Variants in MMP16 observed in about 807,000 individuals in gnomAD.
MMP16 encodes matrix metalloproteinase-16.
In MMP16, 12 loss-of-function variants were observed where a neutral mutation model predicts 67.8. That is an observed-to-expected ratio of 0.18 (90% CI 0.11 to 0.29). The LOEUF (loss-of-function observed/expected upper bound fraction) is 0.29. Ranked by LOEUF, MMP16 falls within the 10% of genes least tolerant of loss-of-function variation. MMP16 has a pLI of 1.00. For missense variants in MMP16, 475 were observed against 765.7 expected (o/e 0.62, Z 4.48); for synonymous variants, 249 against 255.9 (o/e 0.97, Z 0.26).
At chr8:88,112,556 C>A (rs2118415794) in intron 6 of MMP16, among the ~76,000 whole-genome samples, 1 of 151,760 alleles carries the variant, frequency 6.6e-6, no homozygotes, top group Admixed American at 6.6e-5. Context: ...TTTTGTTTCT[C>A]TCTTCTTTGG....
chr8:88,156,625 ACTAAAGTAAAAAG>A (rs1229987345), intron 4 of MMP16, among the ~76,000 whole-genome samples: 1 of 152,088 alleles, frequency 6.6e-6, no homozygotes, highest in African/African-American at 2.4e-5. Context: ...AAGTTACAAA[ACTAAAGTAAAAAG>A]CTGTTATTAA....
intron 7 of MMP16, among the ~76,000 whole-genome samples, chr8:88,071,543 A>G (rs1192363935): frequency 2.0e-5 from 3 of 152,144 alleles, no homozygotes; most frequent in Non-Finnish European, 4.4e-5. Context: ...AAGATAAATA[A>G]TGTAAGGCAA....
At chr8:88,191,411 A>T (rs1474314519) in intron 2 of MMP16, among the ~76,000 whole-genome samples, 1 of 152,200 alleles carries the variant, frequency 6.6e-6, no homozygotes, top group South Asian at 2.1e-4. Flanking sequence ...TTAACTTACA[A>T]TTCTAATTCT....
At chr8:88,219,201 C>T (rs1809640221) in intron 1 of MMP16, among the ~76,000 whole-genome samples, 1 of 151,730 alleles carries the variant, frequency 6.6e-6, no homozygotes, top group East Asian at 1.9e-4. Context: ...GACAGAATAG[C>T]CAAGCATGAC....
chr8:88,039,409 C>G lies in MMP16; in HGVS notation c.*2052G>C, dbSNP rs1808101465. 6.6e-6 allele frequency: 1 copy of G among 152,482 alleles called. No homozygotes were observed. Among genetic ancestry groups the G allele is most frequent in the Non-Finnish European group, 1.5e-5 (1 of 68,016 alleles). The allele number at this position is 152,482 out of a possible 1,614,324, so 9.4% of individuals were successfully genotyped here. ...TGCAGATCTGCCATCACCACTCTCTCCACTCTAAGGAAACAGCTCATGCTT... is the reference window on the plus strand; with the variant it reads ...TGCAGATCTGCCATCACCACTCTCTGCACTCTAAGGAAACAGCTCATGCTT... On this transcript the variant is annotated 3_prime_UTR_variant, in exon 10 of 10. Transcript: ENST00000286614. The surrounding 1 kb of genome is among the most constrained non-coding windows in gnomAD (Gnocchi z 4.5).
Position 88,186,461 on chromosome 8 carries a change from C to T in MMP16, c.404+15G>A, listed in dbSNP as rs765158117. ...AATATGGGGAAAAGGGGAGATTAAT[C>T]GTGAGTTCTTATACCTGTAAGTGAT... On this transcript the variant is annotated intron_variant, in intron 3 of 9. Coordinates refer to ENST00000286614, the MANE Select transcript of MMP16 (RefSeq NM_005941.5). The T allele has an allele frequency of 7.4e-6, 12 of 1,611,950 alleles. No individual in the cohort carries two copies. Among genetic ancestry groups the T allele is most frequent in the African/African-American group, 2.7e-5 (2 of 74,754 alleles).
chr8:88,076,610 A>G (rs1260422346), intron 6 of MMP16, among the ~76,000 whole-genome samples: 5 of 152,184 alleles, frequency 3.3e-5, no homozygotes, highest in African/African-American at 4.8e-5. Context: ...AGATAAATAT[A>G]CAGGGGCATG....
chr8:88,283,134 C>A (rs943315583), intron 1 of MMP16, among the ~76,000 whole-genome samples: 3 of 152,084 alleles, frequency 2.0e-5, no homozygotes, highest in African/African-American at 7.2e-5. Flanking sequence ...ATTAAATGAG[C>A]ATTTAATAAA....
At chr8:88,302,323 T>C (rs372953888) in intron 1 of MMP16, among the ~76,000 whole-genome samples, 2 of 152,216 alleles carry the variant, frequency 1.3e-5, no homozygotes, top group African/African-American at 4.8e-5. Flanking sequence ...AAACGTGGCA[T>C]AGAAACCCCA....
At chr8:88,165,917 C>T (rs968597328) in intron 4 of MMP16, among the ~76,000 whole-genome samples, 25 of 152,106 alleles carry the variant, frequency 1.6e-4, no homozygotes, top group Non-Finnish European at 3.2e-4. Context: ...GTCTTCAAAC[C>T]TGTTCTTAAA....
intron 3 of MMP16, among the ~76,000 whole-genome samples, chr8:88,169,957 T>C (rs936228143): frequency 6.6e-6 from 1 of 152,134 alleles, no homozygotes; most frequent in African/African-American, 2.4e-5. Flanking sequence ...ATGTTGAAAA[T>C]ATATTGACGT....
chr8:88,208,702 A>C (rs1317805348), intron 1 of MMP16, among the ~76,000 whole-genome samples: 2 of 152,110 alleles, frequency 1.3e-5, no homozygotes, highest in Non-Finnish European at 2.9e-5. Flanking sequence ...AAAGCCATCA[A>C]TCTTGAAACA....
chr8:88,097,279 T>C (rs1167447565), intron 6 of MMP16, among the ~76,000 whole-genome samples: 1 of 151,886 alleles, frequency 6.6e-6, no homozygotes, highest in African/African-American at 2.4e-5. Flanking sequence ...GTATATAATT[T>C]GCCAAGGATC....
chr8:88,243,871 A>C (rs1476428490), intron 1 of MMP16, among the ~76,000 whole-genome samples: 3 of 152,206 alleles, frequency 2.0e-5, no homozygotes, highest in African/African-American at 7.2e-5. Context: ...GATATTACAA[A>C]GTTCTGGTTG....
At chr8:88,184,576 A>AG (rs1249162420) in intron 3 of MMP16, among the ~76,000 whole-genome samples, 2 of 140,498 alleles carry the variant, frequency 1.4e-5, no homozygotes, top group Non-Finnish European at 3.1e-5. Flanking sequence ...AAAAAAAAAA[A>AG]AAAAAAAAAA....
intron 1 of MMP16, among the ~76,000 whole-genome samples, chr8:88,225,373 G>A (rs540998827): frequency 5.3e-5 from 8 of 151,812 alleles, no homozygotes; most frequent in African/African-American, 7.3e-5. Context: ...CAGTTTATCC[G>A]AATTAACTTG....
Position 88,243,933 on chromosome 8 carries a change from G to C in MMP16, c.133-46627C>G, listed in dbSNP as rs1048882616. 2.0e-5 allele frequency among the ~76,000 whole-genome samples: 3 copies of C among 151,874 alleles called. No individual in the cohort carries two copies. The South Asian group carries it at 6.2e-4, about 31-fold the overall frequency. Reference sequence around the variant, plus strand: ...ATTTGAGTCAAAGTATCAATGGAGAGGGAAGTATAAAAGAAAAAGACAGCT... The same window carrying C: ...ATTTGAGTCAAAGTATCAATGGAGACGGAAGTATAAAAGAAAAAGACAGCT... On this transcript the variant is annotated intron_variant, in intron 1 of 9. Coordinates refer to ENST00000286614, the MANE Select transcript of MMP16 (RefSeq NM_005941.5).
Position 88,047,797 on chromosome 8 carries a change from G to A in MMP16, c.1374-1013C>T, listed in dbSNP as rs79592266. Among the ~76,000 whole-genome samples, 142 of 152,310 alleles carry A rather than the reference G, an allele frequency of 9.3e-4. 1 individual carries two copies. Among genetic ancestry groups the A allele is most frequent in the Non-Finnish European group, 1.3e-3 (88 of 68,028 alleles). On this transcript the variant is annotated intron_variant, in intron 8 of 9. Transcript: ENST00000286614. ...TTTGAACAGAGAAGCTTAAACTTATGGCTAAGTGTTGAAAAGAATACACTG... is the reference window on the plus strand; with the variant it reads ...TTTGAACAGAGAAGCTTAAACTTATAGCTAAGTGTTGAAAAGAATACACTG...
chr8:88,056,046 T>G, intron 8 of MMP16, 82 bp downstream of exon 8: 3 of 1,114,986 alleles, frequency 2.7e-6, no homozygotes, highest in Non-Finnish European at 3.6e-6. Flanking sequence ...CTTCAACAGC[T>G]GATGCCTCTG....
Sources: gnomAD v4.1 joint callset for allele counts (sites outside exome capture counted in the v4.1 genomes callset) on GRCh38, gnomAD v4.1.1 for gene constraint, Gnocchi (gnomAD v3.1) non-coding constraint, MANE v1.5 for transcripts, NCBI Gene and HGNC (gene_info 2026-07-23, HGNC 2026-07-21) for gene names.